Variants in NOS1AP observed in about 807,000 individuals in gnomAD.
The protein encoded by NOS1AP is carboxyl-terminal PDZ ligand of neuronal nitric oxide synthase protein.
In NOS1AP, 21 loss-of-function variants were observed where a neutral mutation model predicts 56.2. The observed-to-expected ratio is 0.37, with a 90% CI of 0.26 to 0.54. The LOEUF (loss-of-function observed/expected upper bound fraction) is 0.54. Among genes scored for constraint, NOS1AP ranks in the 20% least tolerant of loss-of-function variants. NOS1AP has a pLI of 0.84. For synonymous variants in NOS1AP, 270 were observed against 274.6 expected, an observed-to-expected ratio of 0.98 and a Z score of 0.17; for missense variants, 522 against 657.8, an observed-to-expected ratio of 0.79 and a Z score of 2.26.
intron 8 of NOS1AP, chr1:162,365,020 G>A: frequency 9.0e-7 from 1 of 1,106,592 alleles, no homozygotes; most frequent in Non-Finnish European, 1.1e-6. Context: ...GCCATGCTAG[G>A]TGCTGAAGGA....
At chr1:162,323,726 T>C (rs1049286531) in intron 4 of NOS1AP, among the ~76,000 whole-genome samples, 9 of 152,230 alleles carry the variant, frequency 5.9e-5, no homozygotes, top group Non-Finnish European at 7.3e-5. Context: ...AACAGTCCTG[T>C]GAACCTCTTC....
intron 2 of NOS1AP, among the ~76,000 whole-genome samples, chr1:162,284,314 G>C (rs927976038): frequency 6.6e-6 from 1 of 152,150 alleles, no homozygotes; most frequent in African/African-American, 2.4e-5. Flanking sequence ...ATAATTGCAA[G>C]TTAATTTTAA....
At chr1:162,290,136 G>A (rs1291476818) in intron 3 of NOS1AP, among the ~76,000 whole-genome samples, 1 of 152,092 alleles carries the variant, frequency 6.6e-6, no homozygotes, top group Non-Finnish European at 1.5e-5. Context: ...TACGTCCTGG[G>A]TAATCTCCAG....
chr1:162,073,368 G>A lies in NOS1AP; in HGVS notation c.105+3086G>A, dbSNP rs529990592. Among the ~76,000 whole-genome samples the A allele has an allele frequency of 1.2e-4, 18 of 152,256 alleles. No individual in the cohort carries two copies. The South Asian group carries it at 3.5e-3, about 30-fold the overall frequency. On this transcript the variant is annotated intron_variant, in intron 1 of 9. Transcript: ENST00000361897. ...TTTTATGGAATATTCACTCTATGTT[G>A]GCCACGGGTTTGAGTCACAGCTCTC...
chr1:162,266,517 A>G (rs1342806027), intron 2 of NOS1AP, among the ~76,000 whole-genome samples: 1 of 152,218 alleles, frequency 6.6e-6, no homozygotes, highest in Non-Finnish European at 1.5e-5. Context: ...CTTTTGGATT[A>G]TGTCAACACA....
At chr1:162,140,391 C>T (rs886963621) in intron 1 of NOS1AP, among the ~76,000 whole-genome samples, 2 of 152,156 alleles carry the variant, frequency 1.3e-5, no homozygotes, top group African/African-American at 4.8e-5. Context: ...AAGTGAGAAC[C>T]TACAATAGTT....
chr1:162,172,173 T>C (rs545743100), intron 2 of NOS1AP, among the ~76,000 whole-genome samples: 1 of 152,060 alleles, frequency 6.6e-6, no homozygotes, highest in East Asian at 1.9e-4. Flanking sequence ...CCATGACGGG[T>C]TGTGGGGAGA....
Position 162,284,574 on chromosome 1 carries a change from A to T in NOS1AP, c.178-2770A>T, listed in dbSNP as rs149744834. Among the ~76,000 whole-genome samples, 123 of 136,994 alleles carry T rather than the reference A, an allele frequency of 9.0e-4. 1 individual carries two copies. Among genetic ancestry groups the T allele is most frequent in the African/African-American group, 2.9e-3 (110 of 37,400 alleles). 89.9% of individuals were successfully genotyped at this position (136,994 alleles called of 152,430 possible). Reference sequence around the variant, plus strand: ...AGGTTTTGGGAGAAATCATTTGGTCATGCTTTTTCATGCAGTGACTGTGCC... The same window carrying T: ...AGGTTTTGGGAGAAATCATTTGGTCTTGCTTTTTCATGCAGTGACTGTGCC... On this transcript the variant is annotated intron_variant, in intron 2 of 9. Coordinates refer to ENST00000361897, the MANE Select transcript of NOS1AP (RefSeq NM_014697.3).
intron 1 of NOS1AP, among the ~76,000 whole-genome samples, chr1:162,094,257 T>A (rs542870176): frequency 6.6e-6 from 1 of 152,308 alleles, no homozygotes; most frequent in East Asian, 1.9e-4. Flanking sequence ...CTTCATGGCA[T>A]CATAAACACA....
At chr1:162,233,541 T>C (rs1319654654) in intron 2 of NOS1AP, among the ~76,000 whole-genome samples, 2 of 152,212 alleles carry the variant, frequency 1.3e-5, no homozygotes, top group African/African-American at 4.8e-5. Flanking sequence ...TGTGTTACCG[T>C]CACCACAATT....
intron 5 of NOS1AP, among the ~76,000 whole-genome samples, chr1:162,340,085 T>C (rs1429430915): frequency 1.3e-5 from 2 of 152,184 alleles, no homozygotes; most frequent in African/African-American, 2.4e-5. Context: ...ATGTATGTAG[T>C]CATTCTGTGA....
chr1:162,270,607 G>A (rs1231251888), intron 2 of NOS1AP, among the ~76,000 whole-genome samples: 1 of 152,212 alleles, frequency 6.6e-6, no homozygotes, highest in African/African-American at 2.4e-5. Context: ...TTAAGGGACT[G>A]AGCGAGGGAT....
intron 5 of NOS1AP, among the ~76,000 whole-genome samples, chr1:162,337,349 G>A (rs1419565210): frequency 2.0e-5 from 3 of 152,218 alleles, no homozygotes; most frequent in Admixed American, 1.3e-4. Flanking sequence ...CAGCTGTGAA[G>A]TTGAACTGTC....
chr1:162,227,832 A>G (rs1450642650), intron 2 of NOS1AP, among the ~76,000 whole-genome samples: 1 of 152,174 alleles, frequency 6.6e-6, no homozygotes, highest in African/African-American at 2.4e-5. Flanking sequence ...CTCATGGAAA[A>G]CCACCACTAT....
At chr1:162,261,047 A>C (rs1385825132) in intron 2 of NOS1AP, among the ~76,000 whole-genome samples, 2 of 124,230 alleles carry the variant, frequency 1.6e-5, no homozygotes, top group African/African-American at 6.3e-5. Context: ...TTATATTCCC[A>C]AGATGACTAA....
At chr1:162,321,753 A>T (rs928108822) in intron 4 of NOS1AP, among the ~76,000 whole-genome samples, 10 of 143,858 alleles carry the variant, frequency 7.0e-5, no homozygotes, top group Admixed American at 2.0e-4. Flanking sequence ...TATATATATA[A>T]AAGCAACATG....
chr1:162,100,951 T>G (rs537317098), intron 1 of NOS1AP, among the ~76,000 whole-genome samples: 2 of 152,336 alleles, frequency 1.3e-5, no homozygotes, highest in South Asian at 4.1e-4. Context: ...TTAGATCCCA[T>G]TTGTCAAGTT....
intron 3 of NOS1AP, among the ~76,000 whole-genome samples, chr1:162,300,178 G>C (rs988423053): frequency 2.0e-5 from 3 of 152,128 alleles, no homozygotes; most frequent in Admixed American, 6.5e-5. Context: ...CCACACTGGG[G>C]TGCTTCTCAC....
At chr1:162,258,247 C>G (rs1459914263) in intron 2 of NOS1AP, among the ~76,000 whole-genome samples, 1 of 152,170 alleles carries the variant, frequency 6.6e-6, no homozygotes, top group East Asian at 1.9e-4. Flanking sequence ...TATTGGACAT[C>G]CATCTTTTCT....
Sources: allele counts gnomAD v4.1 joint callset (sites outside exome capture counted in the v4.1 genomes callset), GRCh38; gene constraint gnomAD v4.1.1; transcripts MANE v1.5; gene names NCBI Gene and HGNC (gene_info 2026-07-23, HGNC 2026-07-21).